The following PRDM6 variants were observed in gnomAD, a reference collection of about 807,000 sequenced individuals.
PRDM6 encodes the protein PR/SET domain 6, also known as putative histone-lysine N-methyltransferase PRDM6.
In PRDM6, 25 loss-of-function variants were observed where a neutral mutation model predicts 60.8. The observed-to-expected ratio is 0.41, with a 90% CI of 0.30 to 0.57. The LOEUF (loss-of-function observed/expected upper bound fraction) is 0.57, where lower values mean the gene tolerates loss of function less well. PRDM6 is among the 20% of genes least tolerant of loss of function. The pLI is 0.27. For synonymous variants in PRDM6, 407 were observed against 357.4 expected (o/e 1.14, Z -1.57); for missense variants, 839 against 821.3 (o/e 1.02, Z -0.26).
At position 123,099,488 on chromosome 5, in the gene PRDM6, C is replaced by G. The variant is rs1764046786; in HGVS notation, c.593-166C>G. ...AGGGAGCGGCGCGGGTTCTCTTCTCCTCCTCCTCTGAGTTGCTTCGGTGCC... is the reference window on the plus strand; with the variant it reads ...AGGGAGCGGCGCGGGTTCTCTTCTCGTCCTCCTCTGAGTTGCTTCGGTGCC... On this transcript the variant is annotated intron_variant, in intron 2 of 7. Transcript: ENST00000407847. This position sits in a 1 kb window ranked among gnomAD's most constrained non-coding sequence, Gnocchi z 4.0. Among the ~76,000 whole-genome samples, 1 of 152,188 alleles carries G rather than the reference C, an allele frequency of 6.6e-6. No homozygotes were observed. Among genetic ancestry groups the G allele is most frequent in the Admixed American group, 6.5e-5 (1 of 15,290 alleles).
intron 5 of PRDM6, among the ~76,000 whole-genome samples, chr5:123,166,606 A>G (rs868539407): frequency 3.3e-5 from 5 of 152,196 alleles, no homozygotes; most frequent in Non-Finnish European, 5.9e-5. Context: ...TGTCTTTCCC[A>G]CTAGAGTTTA....
chr5:123,177,098 A>G (rs971833635), intron 6 of PRDM6, among the ~76,000 whole-genome samples: 1 of 152,226 alleles, frequency 6.6e-6, no homozygotes, highest in Non-Finnish European at 1.5e-5. Context: ...CTGAGATTCC[A>G]AAGTGATGAA....
intron 3 of PRDM6, among the ~76,000 whole-genome samples, chr5:123,123,445 A>T (rs936876193): frequency 6.6e-6 from 1 of 152,164 alleles, no homozygotes; most frequent in African/African-American, 2.4e-5. Context: ...TTTTTCATGT[A>T]GTCGGTTACT....
At chr5:123,182,324 C>G (rs551554065) in intron 7 of PRDM6, among the ~76,000 whole-genome samples, 1 of 152,314 alleles carries the variant, frequency 6.6e-6, no homozygotes, top group African/African-American at 2.4e-5. Flanking sequence ...TTGCCTGTGC[C>G]TTTGAGCAAG....
At chr5:123,102,915 G>A (rs1296728767) in intron 3 of PRDM6, among the ~76,000 whole-genome samples, 1 of 151,874 alleles carries the variant, frequency 6.6e-6, no homozygotes, top group African/African-American at 2.4e-5. Context: ...ACACATGAAG[G>A]CTTATTACAG....
intron 6 of PRDM6, among the ~76,000 whole-genome samples, chr5:123,173,877 A>G (rs1765950289): frequency 1.3e-5 from 2 of 152,208 alleles, no homozygotes. Flanking sequence ...GAAAGTTTGG[A>G]GATAAGAGAT....
chr5:123,155,317 A>C lies in PRDM6; in HGVS notation c.901-567A>C, dbSNP rs113285099. The stretch of plus-strand genomic sequence containing the variant: ...CCTCTCCTACTAGTTTCAGGTCCTG[A>C]AAACTGAAGCCCTACATCTTCTTTG... On this transcript the variant is annotated intron_variant, in intron 3 of 7. Coordinates refer to ENST00000407847, the MANE Select transcript of PRDM6 (RefSeq NM_001136239.4). 8.8e-3 allele frequency among the ~76,000 whole-genome samples: 1,227 copies of C among 139,878 alleles called. 21 individuals carry two copies. The highest frequency in any genetic ancestry group is 0.031 in the African/African-American group (1,153 of 37,284). 91.8% of individuals were successfully genotyped at this position (139,878 alleles called of 152,430 possible).
intron 3 of PRDM6, among the ~76,000 whole-genome samples, chr5:123,125,056 A>G (rs992205705): frequency 2.4e-5 from 3 of 125,750 alleles, no homozygotes; most frequent in Non-Finnish European, 5.0e-5. Context: ...CAGGCAACTT[A>G]CAACATTTTT....
chr5:123,186,828 T>TC (rs1489060105), intron 7 of PRDM6, among the ~76,000 whole-genome samples: 1 of 152,234 alleles, frequency 6.6e-6, no homozygotes, highest in African/African-American at 2.4e-5. Flanking sequence ...CTGACAGTGA[T>TC]CAGAGCTGCA....
In PRDM6 at chr5:123,189,503, T is replaced by C. The variant is rs1242666270; in HGVS notation, c.*2302T>C. The stretch of plus-strand genomic sequence containing the variant: ...GGCATGGGAAGGTTTTCCTTAACAA[T>C]GATCTCTCTGCCACCCTGATAGCTT... On this transcript the variant is annotated 3_prime_UTR_variant, in exon 8 of 8. Transcript: ENST00000407847. 6.6e-6 allele frequency: 1 copy of C among 152,240 alleles called. No individual in the cohort carries two copies. The highest frequency in any genetic ancestry group is 1.9e-4 in the East Asian group (1 of 5,200). 9.4% of individuals were successfully genotyped at this position (152,240 alleles called of 1,614,324 possible).
chr5:123,147,293 G>C (rs574871148), intron 3 of PRDM6, among the ~76,000 whole-genome samples: 1 of 152,196 alleles, frequency 6.6e-6, no homozygotes, highest in East Asian at 1.9e-4. Context: ...GAGAGAGAGA[G>C]AGAGAGAGAG....
At chr5:123,102,338 A>G (rs993844791) in intron 3 of PRDM6, among the ~76,000 whole-genome samples, 1 of 152,182 alleles carries the variant, frequency 6.6e-6, no homozygotes, top group Non-Finnish European at 1.5e-5. Context: ...TTTAAGCATT[A>G]TGATTTATTT....
chr5:123,187,815 C>T lies in PRDM6; in HGVS notation c.*614C>T, dbSNP rs560246289. The stretch of plus-strand genomic sequence containing the variant: ...CACGGTTTCTTCCAAACAGCCCGGT[C>T]TTGATGCAGGAGAGTCTGGAAAAGG... On this transcript the variant is annotated 3_prime_UTR_variant, in exon 8 of 8. Transcript: ENST00000407847. The T allele has an allele frequency of 6.6e-6, 1 of 152,198 alleles. No homozygotes were observed. Among genetic ancestry groups the T allele is most frequent in the Admixed American group, 6.5e-5 (1 of 15,286 alleles). The allele number at this position is 152,198 out of a possible 1,614,324, so 9.4% of individuals were successfully genotyped here. A position where few individuals can be genotyped will look rare whatever the true frequency, so the allele number is the denominator to read the frequency against.
At chr5:123,097,042 A>G (rs1304263536) in intron 2 of PRDM6, among the ~76,000 whole-genome samples, 3 of 152,178 alleles carry the variant, frequency 2.0e-5, no homozygotes, top group African/African-American at 7.2e-5. Context: ...AGAAAAAAAA[A>G]TCAGTTAAGT....
In PRDM6 at chr5:123,090,179, G is replaced by A; in HGVS notation, c.165G>A (p.Pro55=). The A allele has an allele frequency of 6.7e-7, 1 of 1,484,588 alleles. No individual in the cohort carries two copies. Among genetic ancestry groups the A allele is most frequent in the Non-Finnish European group, 8.9e-7 (1 of 1,121,556 alleles). 92.0% of individuals were successfully genotyped at this position (1,484,588 alleles called of 1,614,324 possible). A position where few individuals can be genotyped will look rare whatever the true frequency, so the allele number is the denominator to read the frequency against. Residue 55 remains proline (P), a synonymous_variant, in exon 2 of 8, where the codon CCG becomes CCA. Transcript: ENST00000407847. ...CGCAGCCTCTTCAGCCGCCGCCGCC[G>A]CCCCCGCCCCCGGAGCGCGCTGAGC... ...SAPQPLQPPP[P]PPPPERAEPP... is the part of the protein sequence containing the mutation.
chr5:123,189,859 C>T lies in PRDM6; in HGVS notation c.*2658C>T, dbSNP rs1463452926. ...GGAACCCTGAAGCAGGTACTGAGAT[C>T]ATTTGGGTCCAAAATGATTTTAATC... On this transcript the variant is annotated 3_prime_UTR_variant, in exon 8 of 8. Coordinates refer to ENST00000407847, the MANE Select transcript of PRDM6 (RefSeq NM_001136239.4). 4 of 152,190 alleles carry T rather than the reference C, an allele frequency of 2.6e-5. No homozygotes were observed. The allele number at this position is 152,190 out of a possible 1,614,324, so 9.4% of individuals were successfully genotyped here. A position where few individuals can be genotyped will look rare whatever the true frequency, so the allele number is the denominator to read the frequency against.
chr5:123,092,857 C>T (rs1763872595), intron 2 of PRDM6, among the ~76,000 whole-genome samples: 1 of 152,318 alleles, frequency 6.6e-6, no homozygotes, highest in Non-Finnish European at 1.5e-5. Flanking sequence ...CTTAGGCACT[C>T]ATTTGAAGCC....
intron 3 of PRDM6, among the ~76,000 whole-genome samples, chr5:123,139,005 T>C (rs1765036437): frequency 6.6e-6 from 1 of 152,130 alleles, no homozygotes; most frequent in Admixed American, 6.5e-5. Flanking sequence ...TGAGTTCTCA[T>C]GAGATCTAAT....
chr5:123,168,123 AT>A (rs1303512994), intron 5 of PRDM6, among the ~76,000 whole-genome samples: 4 of 152,202 alleles, frequency 2.6e-5, no homozygotes, highest in African/African-American at 2.4e-5. Flanking sequence ...GCCATAATAT[AT>A]TTTTTAAGTG....
Sources: allele counts gnomAD v4.1 joint callset (sites outside exome capture counted in the v4.1 genomes callset), GRCh38; gene constraint gnomAD v4.1.1; non-coding constraint Gnocchi (gnomAD v3.1); transcripts MANE v1.5; gene names NCBI Gene and HGNC (gene_info 2026-07-23, HGNC 2026-07-21).